Variants in ACIN1 observed in about 807,000 individuals in gnomAD.
ACIN1 encodes apoptotic chromatin condensation inducer 1.
In ACIN1, 16 loss-of-function variants were observed where a neutral mutation model predicts 146.6. That is an observed-to-expected ratio of 0.11 (90% CI 0.07 to 0.17). The LOEUF (loss-of-function observed/expected upper bound fraction) is 0.17. Ranked by LOEUF, ACIN1 falls within the 10% of genes least tolerant of loss-of-function variation. The pLI is 1.00. For missense variants in ACIN1, 1,357 were observed against 1,609.3 expected (o/e 0.84, Z 2.68); for synonymous variants, 569 against 582.7 (o/e 0.98, Z 0.34).
chr14:23,065,123 G>C (rs1025604579), intron 10 of ACIN1, among the ~76,000 whole-genome samples: 2 of 152,170 alleles, frequency 1.3e-5, no homozygotes, highest in African/African-American at 4.8e-5. Context: ...GCAGAACTAA[G>C]ATCATGATGG....
chr14:23,076,298 T>C (rs191416719), intron 8 of ACIN1, among the ~76,000 whole-genome samples: 4 of 152,350 alleles, frequency 2.6e-5, no homozygotes, highest in South Asian at 2.1e-4. Flanking sequence ...GTGTGTGAAC[T>C]GCTCCTCAGT....
rs1249005758 is a variant in ACIN1 at position 23,067,101 on chromosome 14, G to A, written c.2266-1093C>T. 2.0e-5 allele frequency among the ~76,000 whole-genome samples: 3 copies of A among 151,040 alleles called. No homozygotes were observed. Among genetic ancestry groups the A allele is most frequent in the African/African-American group, 7.3e-5 (3 of 40,960 alleles). On this transcript the variant is annotated intron_variant, in intron 9 of 18. Coordinates refer to ENST00000605057, the MANE Select transcript of ACIN1 (RefSeq NM_001386863.1). This position sits in a 1 kb window ranked among gnomAD's most constrained non-coding sequence, Gnocchi z 4.6. ...TAAGGGCCAGCCTGACCCCTAGCTG[G>A]GCCGCTCTCGATGGGTAAGTTAGTG... is the stretch of plus-strand genomic sequence containing the variant.
chr14:23,074,438 G>A (rs899733853), intron 8 of ACIN1, among the ~76,000 whole-genome samples: 5 of 151,892 alleles, frequency 3.3e-5, no homozygotes, highest in Non-Finnish European at 7.4e-5. Flanking sequence ...TGGCAGCCGC[G>A]TCTATAGTCC....
At chr14:23,085,653 G>A (rs980005278) in intron 4 of ACIN1, among the ~76,000 whole-genome samples, 1 of 152,110 alleles carries the variant, frequency 6.6e-6, no homozygotes, top group Non-Finnish European at 1.5e-5. Context: ...CAAGAAATTA[G>A]TCAGCAATGC....
At position 23,080,236 on chromosome 14, in the gene ACIN1, A is replaced by G. The variant is rs756546734; in HGVS notation, c.1099T>C (p.Ser367Pro). The G allele has an allele frequency of 3.1e-6, 5 of 1,614,048 alleles. No homozygotes were observed. Among genetic ancestry groups the G allele is most frequent in the Non-Finnish European group, 4.2e-6 (5 of 1,180,002 alleles). ...PPPLLTKEAS[S>P]PPPHPQLHSE... ...TGGAGCTGTGGATGAGGTGGTGGAG[A>G]AGATGCTTCCTTTGTTAGTAAAGGT... is the stretch of plus-strand genomic sequence containing the variant. Residue 367 changes from serine (S) to proline (P), a missense_variant, in exon 6 of 19, where the codon TCT (serine) becomes CCT (proline). Around this residue, in one of 4 missense-constraint regions of ACIN1, gnomAD observed 771 missense variants for 746.6 expected, o/e 1.03. Transcript: ENST00000605057.
chr14:23,095,339 G>C (rs2048351393), upstream of ACIN1: 11 of 1,541,586 alleles, frequency 7.1e-6, no homozygotes, highest in South Asian at 8.6e-5. Context: ...TTCTCGCCCT[G>C]CTTTCAGGCT....
chr14:23,093,078 A>G (rs2048268530), intron 2 of ACIN1, among the ~76,000 whole-genome samples: 1 of 152,226 alleles, frequency 6.6e-6, no homozygotes, highest in African/African-American at 2.4e-5. Context: ...GAAAATCTAC[A>G]TCAACAAGAG....
At chr14:23,071,913 G>A (rs767926730) in intron 8 of ACIN1, among the ~76,000 whole-genome samples, 33 of 152,320 alleles carry the variant, frequency 2.2e-4, no homozygotes, top group South Asian at 8.3e-4. Flanking sequence ...AAATAAGAAC[G>A]ATAAAGCCAA....
chr14:23,063,017 G>C lies in ACIN1; in HGVS notation c.2795C>G (p.Ser932Cys). 1 of 1,613,996 alleles carries C rather than the reference G, an allele frequency of 6.2e-7. No homozygotes were observed. Among genetic ancestry groups the C allele is most frequent in the Non-Finnish European group, 8.5e-7 (1 of 1,179,990 alleles). The change falls in exon 14 of 19, where the codon TCC (serine) becomes TGC (cysteine). Residue 932 changes from serine to cysteine, a missense_variant. Ser to Cys is a moderately radical substitution (Grantham distance 112). Around this residue, in one of 4 missense-constraint regions of ACIN1, gnomAD observed 509 missense variants for 719.6 expected, o/e 0.71. Coordinates refer to ENST00000605057, the MANE Select transcript of ACIN1 (RefSeq NM_001386863.1). ...TCGGACTGGGTCATCAATGGTAATG[G>C]AAACTCCGGACTTCTGCTGGCTAAT... is the stretch of plus-strand genomic sequence containing the variant. ...RSISQQKSGVSITIDDPVRTA... is the reference protein window; with the variant it reads ...RSISQQKSGVCITIDDPVRTA...
chr14:23,085,651 TAGTC>T (rs1403355530), intron 4 of ACIN1, among the ~76,000 whole-genome samples: 5 of 152,082 alleles, frequency 3.3e-5, no homozygotes, highest in African/African-American at 9.7e-5. Flanking sequence ...AACAAGAAAT[TAGTC>T]AGCAATGCAA....
intron 3 of ACIN1, 87 bp downstream of exon 3, chr14:23,090,435 G>T: frequency 8.4e-7 from 1 of 1,197,192 alleles, no homozygotes; most frequent in Non-Finnish European, 1.2e-6. Flanking sequence ...ACTTATTTCT[G>T]AAATTGTCTA....
In ACIN1 at chr14:23,059,349, C is replaced by A; in HGVS notation, c.3651G>T (p.Leu1217=). 1 of 1,610,192 alleles carries A rather than the reference C, an allele frequency of 6.2e-7. No homozygotes were observed. The highest frequency in any genetic ancestry group is 1.1e-5 in the South Asian group (1 of 91,014). ...TGTGCTCCCGACGTTTCTCTCGCTC[C>A]AGCTGTCGGTTCCGTTCCCGCTCGG... ...KEAERERNRQ[L]EREKRREHSR... is the part of the protein sequence containing the mutation. The change falls in exon 19 of 19, where the codon CTG becomes CTT. Residue 1217 remains leucine, a synonymous_variant. Transcript: ENST00000605057.
At chr14:23,079,490 T>C in intron 6 of ACIN1, 57 bp downstream of exon 6, 2 of 1,577,650 alleles carry the variant, frequency 1.3e-6, no homozygotes, top group East Asian at 4.5e-5. Context: ...GGGGCTGAAA[T>C]GAAAACCACT....
chr14:23,071,620 G>A, intron 8 of ACIN1: 1 of 1,472,492 alleles, frequency 6.8e-7, no homozygotes, highest in Non-Finnish European at 9.1e-7. Context: ...CAGGGGAGGG[G>A]AAAGAAAAGA....
chr14:23,082,640 T>A (rs2047976456), intron 4 of ACIN1, among the ~76,000 whole-genome samples: 1 of 152,186 alleles, frequency 6.6e-6, no homozygotes, highest in Non-Finnish European at 1.5e-5. Context: ...ATATGGGGTT[T>A]CATCCTGTTG....
intron 8 of ACIN1, chr14:23,071,667 G>T: frequency 8.7e-7 from 1 of 1,149,742 alleles, no homozygotes; most frequent in Non-Finnish European, 1.2e-6. Context: ...TTATCCTTTG[G>T]CAGGCCACAG....
intron 8 of ACIN1, among the ~76,000 whole-genome samples, chr14:23,070,958 G>C (rs2047625502): frequency 6.6e-6 from 1 of 152,168 alleles, no homozygotes; most frequent in South Asian, 2.1e-4. Flanking sequence ...TACAGAAAGG[G>C]CATGTGGGGC....
chr14:23,084,288 G>A (rs538603054), intron 4 of ACIN1, among the ~76,000 whole-genome samples: 3 of 152,112 alleles, frequency 2.0e-5, no homozygotes, highest in South Asian at 2.1e-4. Context: ...TGAACTAGGC[G>A]AATGCTTCTG....
chr14:23,079,502 G>A, intron 6 of ACIN1, 45 bp downstream of exon 6: 1 of 1,595,464 alleles, frequency 6.3e-7, no homozygotes. Flanking sequence ...AAAACCACTG[G>A]AATATGACAG....
Sources: allele counts gnomAD v4.1 joint callset (sites outside exome capture counted in the v4.1 genomes callset), GRCh38; gene constraint gnomAD v4.1.1; regional missense constraint gnomAD v4.1.1; non-coding constraint Gnocchi (gnomAD v3.1); transcripts MANE v1.5; gene names NCBI Gene and HGNC (gene_info 2026-07-23, HGNC 2026-07-21).